Variants in CCSER1 observed in about 807,000 individuals in gnomAD.
CCSER1 encodes serine-rich coiled-coil domain-containing protein 1.
Under a neutral mutation model 82.0 loss-of-function variants are expected in CCSER1, and 41 were observed. The ratio of observed to expected loss-of-function variants is 0.50; its 90% confidence interval spans 0.39 to 0.65. The LOEUF (loss-of-function observed/expected upper bound fraction) is 0.65. CCSER1 is among the 30% of genes least tolerant of loss of function. The pLI, the probability that CCSER1 is intolerant of heterozygous loss-of-function variation, is 0.00. For missense variants in CCSER1, 1,119 were observed against 1,064.2 expected, an observed-to-expected ratio of 1.05 and a Z score of -0.72; for synonymous variants, 414 against 383.9, an observed-to-expected ratio of 1.08 and a Z score of -0.92.
intron 10 of CCSER1, among the ~76,000 whole-genome samples, chr4:91,445,741 C>G (rs1416361057): frequency 6.6e-6 from 1 of 151,932 alleles, no homozygotes; most frequent in African/African-American, 2.4e-5. Context: ...ATATATTACC[C>G]CCAAATTTGC....
At chr4:90,974,201 AT>A (rs1043366605) in intron 9 of CCSER1, among the ~76,000 whole-genome samples, 1 of 151,634 alleles carries the variant, frequency 6.6e-6, no homozygotes, top group African/African-American at 2.4e-5. Context: ...CTAACAGTAG[AT>A]TTTAAGTGTT....
At chr4:90,686,276 A>C (rs550428480) in intron 6 of CCSER1, among the ~76,000 whole-genome samples, 66 of 152,226 alleles carry the variant, frequency 4.3e-4, no homozygotes, top group African/African-American at 1.6e-3. Flanking sequence ...GAACGGAATC[A>C]AAAGAATAGC....
intron 1 of CCSER1, among the ~76,000 whole-genome samples, chr4:90,204,993 T>C (rs1347453183): frequency 6.6e-6 from 1 of 152,146 alleles, no homozygotes; most frequent in African/African-American, 2.4e-5. Context: ...TGGCTCTCTG[T>C]TTGTCTGTTA....
At chr4:90,458,343 G>T (rs1762445742) in intron 4 of CCSER1, among the ~76,000 whole-genome samples, 1 of 151,790 alleles carries the variant, frequency 6.6e-6, no homozygotes, top group Non-Finnish European at 1.5e-5. Context: ...TTAGAAAATA[G>T]AGTCTGCCAC....
At chr4:90,771,564 C>T (rs80160889) in intron 7 of CCSER1, among the ~76,000 whole-genome samples, 6,675 of 79,846 alleles carry the variant, frequency 0.084, 201 homozygotes, top group East Asian at 0.23. Context: ...ATGCCGGGCA[C>T]TAAAAAAAAA....
intron 10 of CCSER1, among the ~76,000 whole-genome samples, chr4:91,385,759 G>T (rs1372961143): frequency 6.6e-6 from 1 of 151,870 alleles, no homozygotes; most frequent in Non-Finnish European, 1.5e-5. Context: ...TATTTTAGTG[G>T]TATTGGTAAA....
intron 3 of CCSER1, among the ~76,000 whole-genome samples, chr4:90,342,773 A>G (rs769756685): frequency 6.6e-6 from 1 of 152,182 alleles, no homozygotes; most frequent in Non-Finnish European, 1.5e-5. Context: ...AAGGATGTCC[A>G]TAGTTTCCTC....
intron 6 of CCSER1, among the ~76,000 whole-genome samples, chr4:90,660,548 A>G (rs1444379609): frequency 6.6e-6 from 1 of 152,164 alleles, no homozygotes; most frequent in Non-Finnish European, 1.5e-5. Context: ...TTATATAGCC[A>G]TATAATTCAT....
Position 91,285,824 on chromosome 4 carries a change from A to G in CCSER1, c.2217+199830A>G, listed in dbSNP as rs74876982. Among the ~76,000 whole-genome samples, 3 of 151,998 alleles carry G rather than the reference A, an allele frequency of 2.0e-5. No individual in the cohort carries two copies. The East Asian group carries it at 5.8e-4, about 29-fold the overall frequency. On this transcript the variant is annotated intron_variant, in intron 10 of 10. Transcript: ENST00000509176. The stretch of plus-strand genomic sequence containing the variant: ...GTATTTGTAATTGTGGTGCTTATCA[A>G]AGTTGTTATGTAGAAGGAATGAATG...
intron 6 of CCSER1, among the ~76,000 whole-genome samples, chr4:90,702,593 G>A (rs934580242): frequency 6.6e-5 from 10 of 152,062 alleles, no homozygotes; most frequent in African/African-American, 1.2e-4. Context: ...CTGTGAATCT[G>A]TCTGGTCCCG....
chr4:90,308,381 C>T lies in CCSER1; in HGVS notation c.97C>T (p.Pro33Ser), dbSNP rs778224883. 3 of 1,613,680 alleles carry T rather than the reference C, an allele frequency of 1.9e-6. No homozygotes were observed. The highest frequency in any genetic ancestry group is 2.2e-5 in the East Asian group (1 of 44,850). Residue 33 changes from proline to serine, a missense_variant, in exon 2 of 11, where the codon CCT becomes TCT. Coordinates refer to ENST00000509176, the MANE Select transcript of CCSER1 (RefSeq NM_001145065.2). ...AAGACATGATTCTCTTCCTTCTTCACCTTCTTCCAGTAATACAGTTGGTGT... is the reference window on the plus strand; with the variant it reads ...AAGACATGATTCTCTTCCTTCTTCATCTTCTTCCAGTAATACAGTTGGTGT... Reference protein sequence around the residue: ...NRRHDSLPSSPSSSNTVGVHS... With the variant: ...NRRHDSLPSSSSSSNTVGVHS...
chr4:91,162,195 G>T (rs983993819), intron 10 of CCSER1, among the ~76,000 whole-genome samples: 1 of 152,084 alleles, frequency 6.6e-6, no homozygotes, highest in African/African-American at 2.4e-5. Context: ...TAATCATGTG[G>T]TTTTTGTCTT....
At chr4:90,261,113 C>T (rs752620984) in intron 1 of CCSER1, among the ~76,000 whole-genome samples, 40 of 151,854 alleles carry the variant, frequency 2.6e-4, no homozygotes, top group Non-Finnish European at 5.1e-4. Context: ...ATACGAAGTA[C>T]TGTTATATTC....
At chr4:91,144,432 T>C (rs935395811) in intron 10 of CCSER1, among the ~76,000 whole-genome samples, 4 of 152,044 alleles carry the variant, frequency 2.6e-5, no homozygotes, top group African/African-American at 7.2e-5. Flanking sequence ...GTTGATCTTT[T>C]GTATGAATTT....
intron 10 of CCSER1, among the ~76,000 whole-genome samples, chr4:91,263,381 A>T (rs1350882488): frequency 6.6e-6 from 1 of 152,050 alleles, no homozygotes; most frequent in Non-Finnish European, 1.5e-5. Context: ...AAATTTTAAC[A>T]TTCAAGTTTA....
intron 3 of CCSER1, among the ~76,000 whole-genome samples, chr4:90,339,295 G>T (rs1391347165): frequency 6.6e-6 from 1 of 152,108 alleles, no homozygotes; most frequent in African/African-American, 2.4e-5. Context: ...ATATGTCGGG[G>T]TGGCCTCTCT....
intron 1 of CCSER1, among the ~76,000 whole-genome samples, chr4:90,196,316 A>G (rs1163004771): frequency 2.6e-5 from 4 of 151,934 alleles, no homozygotes; most frequent in Non-Finnish European, 5.9e-5. Context: ...TGTTACTTAG[A>G]GTCTGTAACG....
At chr4:90,216,634 T>G (rs539228501) in intron 1 of CCSER1, among the ~76,000 whole-genome samples, 2 of 152,308 alleles carry the variant, frequency 1.3e-5, no homozygotes, top group African/African-American at 4.8e-5. Flanking sequence ...TCTATGCATC[T>G]TTTTTTGTAC....
intron 10 of CCSER1, among the ~76,000 whole-genome samples, chr4:91,585,015 T>C (rs1229962024): frequency 6.6e-6 from 1 of 151,582 alleles, no homozygotes; most frequent in African/African-American, 2.4e-5. Flanking sequence ...GTCATGTCAC[T>C]TACCTCATCA....
Sources: allele counts gnomAD v4.1 joint callset (sites outside exome capture counted in the v4.1 genomes callset), GRCh38; gene constraint gnomAD v4.1.1; transcripts MANE v1.5; gene names NCBI Gene and HGNC (gene_info 2026-07-23, HGNC 2026-07-21).